The following PRSS23 variants were observed in gnomAD, a reference collection of about 807,000 sequenced individuals.
PRSS23 encodes serine protease 23, also known as protease, serine 23.
PRSS23 carries 25 observed loss-of-function variants against 34.7 expected under a neutral mutation model. That is an observed-to-expected ratio of 0.72 (90% CI 0.53 to 1.01). The LOEUF (loss-of-function observed/expected upper bound fraction) is 1.01, where lower values mean the gene tolerates loss of function less well. PRSS23 is among the 50% of genes least tolerant of loss of function. The pLI, the probability that PRSS23 is intolerant of heterozygous loss-of-function variation, is 0.00. For synonymous variants in PRSS23, 176 were observed against 186.6 expected (o/e 0.94, Z 0.46); for missense variants, 445 against 475.6 (o/e 0.94, Z 0.60).
Position 86,882,475 on chromosome 11 carries a change from C to T in PRSS23, c.206+58882C>T, listed in dbSNP as rs537249524. On this transcript the variant is annotated intron_variant, in intron 2 of 2. Coordinates refer to the PRSS23 transcript ENST00000533902. Reference sequence around the variant, plus strand: ...CATGTGGTATTTGGTTTTCTGTGCCCGTGTCAGTTTGCTAAGGATAATGGC... The same window carrying T: ...CATGTGGTATTTGGTTTTCTGTGCCTGTGTCAGTTTGCTAAGGATAATGGC... Among the ~76,000 whole-genome samples, 151 of 152,138 alleles carry T rather than the reference C, an allele frequency of 9.9e-4. 1 individual carries two copies. Among genetic ancestry groups the T allele is most frequent in the East Asian group, 5.8e-4 (3 of 5,168 alleles).
intron 1 of PRSS23, among the ~76,000 whole-genome samples, chr11:86,820,565 A>C (rs1475998957): frequency 6.6e-6 from 1 of 152,170 alleles, no homozygotes; most frequent in East Asian, 1.9e-4. Flanking sequence ...AGCACAGTAA[A>C]ATTATTTAAG....
At chr11:86,867,682 T>C (rs1414538786) in intron 2 of PRSS23, among the ~76,000 whole-genome samples, 4 of 151,752 alleles carry the variant, frequency 2.6e-5, no homozygotes, top group African/African-American at 9.7e-5. Flanking sequence ...GAGTTTGAGA[T>C]CAGCCTGGGC....
rs78256892 is a variant in PRSS23, at chr11:86,803,610, C to T, written c.-14+2959C>T. On this transcript the variant is annotated intron_variant, in intron 1 of 1. Coordinates refer to ENST00000280258, the MANE Select transcript of PRSS23 (RefSeq NM_007173.6). ...AATGCGGATGAGTCAGGGCAGGCTGCGAATGCCTCAGGAAAGACCCTTAAT... is the reference window on the plus strand; with the variant it reads ...AATGCGGATGAGTCAGGGCAGGCTGTGAATGCCTCAGGAAAGACCCTTAAT... Among the ~76,000 whole-genome samples, 1,182 of 152,246 alleles carry T rather than the reference C, an allele frequency of 7.8e-3. 13 individuals carry two copies. The highest frequency in any genetic ancestry group is 0.027 in the African/African-American group (1,116 of 41,544).
intron 2 of PRSS23, among the ~76,000 whole-genome samples, chr11:86,920,978 G>A (rs184232500): frequency 2.1e-4 from 32 of 152,206 alleles, no homozygotes; most frequent in African/African-American, 7.2e-4. Flanking sequence ...TTGAATTCTT[G>A]TTTCTCTTGG....
intron 2 of PRSS23, among the ~76,000 whole-genome samples, chr11:86,825,858 G>A (rs2134880539): frequency 6.6e-6 from 1 of 150,778 alleles, no homozygotes; most frequent in Non-Finnish European, 1.5e-5. Context: ...TTTGGTACCA[G>A]TACCATGCTG....
intron 2 of PRSS23, among the ~76,000 whole-genome samples, chr11:86,885,379 A>G (rs567622304): frequency 1.3e-5 from 2 of 152,360 alleles, no homozygotes; most frequent in East Asian, 3.9e-4. Context: ...GAAGTCCCAT[A>G]TTCACTCCTA....
At chr11:86,911,553 T>A (rs1250086877) in intron 2 of PRSS23, 1 of 152,204 alleles carries the variant, frequency 6.6e-6, no homozygotes, top group Admixed American at 6.5e-5. Context: ...TAGCTTCCAC[T>A]TATAATTGAG....
intron 1 of PRSS23, among the ~76,000 whole-genome samples, chr11:86,804,876 T>A (rs977200568): frequency 6.6e-6 from 1 of 152,174 alleles, no homozygotes; most frequent in African/African-American, 2.4e-5. Flanking sequence ...ATTGAAAATA[T>A]TATCTGTAGC....
intron 2 of PRSS23, among the ~76,000 whole-genome samples, chr11:86,850,994 C>A (rs927388203): frequency 6.6e-6 from 1 of 152,214 alleles, no homozygotes; most frequent in Admixed American, 6.5e-5. Flanking sequence ...ACTGTGGAAA[C>A]TTTGTACTTT....
intron 1 of PRSS23, chr11:86,821,447 T>A: frequency 6.3e-7 from 1 of 1,578,020 alleles, no homozygotes; most frequent in Non-Finnish European, 8.7e-7. Context: ...ATCAAGTATG[T>A]GTCTGGTATA....
In PRSS23 at chr11:86,809,481, C is replaced by T. The variant is rs1051138243; in HGVS notation, c.*686C>T. 6.0e-6 allele frequency: 1 copy of T among 167,108 alleles called. No homozygotes were observed. Among genetic ancestry groups the T allele is most frequent in the African/African-American group, 2.4e-5 (1 of 41,468 alleles). The allele number at this position is 167,108 out of a possible 1,614,324, so 10.4% of individuals were successfully genotyped here. On this transcript the variant is annotated 3_prime_UTR_variant, in exon 2 of 2. Transcript: ENST00000280258. ...TTCTTTTCCAAAGGTTGTTGCTCTA[C>T]TTTGTAGGAAGTCTTTGCATATGGC...
rs1385935071 is a variant in PRSS23 at position 86,808,816 on chromosome 11, G to A, written c.*21G>A. 6.4e-7 allele frequency: 1 copy of A among 1,569,034 alleles called. No homozygotes were observed. Among genetic ancestry groups the A allele is most frequent in the African/African-American group, 1.4e-5 (1 of 73,290 alleles). ...GGTGACACAGTGTTCCCTCCTGGCAGCAATTAAGGGTCTTCATGTTCTTAT... is the reference window on the plus strand; with the variant it reads ...GGTGACACAGTGTTCCCTCCTGGCAACAATTAAGGGTCTTCATGTTCTTAT... On this transcript the variant is annotated 3_prime_UTR_variant, in exon 2 of 2. Transcript: ENST00000280258.
At chr11:86,933,352 T>C (rs1218723929) in intron 2 of PRSS23, 3 of 152,192 alleles carry the variant, frequency 2.0e-5, no homozygotes, top group Admixed American at 1.3e-4. Context: ...GCCAGCGTGA[T>C]TTCATTTCCT....
chr11:86,830,486 G>T (rs1226386326), intron 2 of PRSS23, among the ~76,000 whole-genome samples: 1 of 152,038 alleles, frequency 6.6e-6, no homozygotes, highest in African/African-American at 2.4e-5. Flanking sequence ...CGCACATGGT[G>T]CACTGCACCC....
At chr11:86,875,754 G>C (rs1374670863) in intron 2 of PRSS23, among the ~76,000 whole-genome samples, 2 of 152,238 alleles carry the variant, frequency 1.3e-5, no homozygotes, top group African/African-American at 4.8e-5. Flanking sequence ...TTGGTGTAAA[G>C]CTGCAGATAG....
intron 2 of PRSS23, among the ~76,000 whole-genome samples, chr11:86,940,075 T>C (rs55790427): frequency 0.054 from 8,195 of 152,260 alleles, 304 homozygotes; most frequent in African/African-American, 0.095. Flanking sequence ...TAGAAAACTC[T>C]GAGTCCCGAA....
chr11:86,938,122 A>G (rs1350928445), intron 2 of PRSS23, among the ~76,000 whole-genome samples: 3 of 152,328 alleles, frequency 2.0e-5, no homozygotes, highest in South Asian at 2.1e-4. Flanking sequence ...CAGTGCCACA[A>G]ATGGCTGCTG....
At chr11:86,800,489 G>C (rs978449898), upstream of PRSS23, 3 of 984,152 alleles carry the variant, frequency 3.0e-6, no homozygotes, top group African/African-American at 5.3e-5. Flanking sequence ...GCGGGCCTCG[G>C]GTGGCGCGGG....
At chr11:86,859,831 C>A (rs1028314282) in intron 2 of PRSS23, among the ~76,000 whole-genome samples, 2 of 151,996 alleles carry the variant, frequency 1.3e-5, no homozygotes, top group Admixed American at 6.5e-5. Context: ...CCCAATATTG[C>A]ATGGGGTGGA....
Sources: gnomAD v4.1 joint callset for allele counts (sites outside exome capture counted in the v4.1 genomes callset) on GRCh38, gnomAD v4.1.1 for gene constraint, MANE v1.5 for transcripts, NCBI Gene and HGNC (gene_info 2026-07-23, HGNC 2026-07-21) for gene names.